Variants in CLPTM1L observed in about 807,000 individuals in gnomAD.
CLPTM1L encodes the protein CLPTM1 like.
In CLPTM1L, 38 loss-of-function variants were observed where a neutral mutation model predicts 70.9. That is an observed-to-expected ratio of 0.54 (90% CI 0.41 to 0.70). CLPTM1L has a LOEUF of 0.70. Among genes scored for constraint, CLPTM1L ranks in the 30% least tolerant of loss-of-function variants. The pLI is 0.00. For missense variants in CLPTM1L, 652 were observed against 705.9 expected, an observed-to-expected ratio of 0.92 and a Z score of 0.87; for synonymous variants, 339 against 299.9, an observed-to-expected ratio of 1.13 and a Z score of -1.35.
intron 7 of CLPTM1L, among the ~76,000 whole-genome samples, chr5:1,333,559 CGG>C (rs1753306496): frequency 9.1e-6 from 1 of 109,822 alleles, no homozygotes; most frequent in African/African-American, 3.7e-5. Flanking sequence ...GTATACACAC[CGG>C]ATGAGGATAA....
chr5:1,335,292 T>A (rs774429155), intron 5 of CLPTM1L, 118 bp from the exon 6 acceptor site: 12 of 790,558 alleles, frequency 1.5e-5, no homozygotes, highest in Non-Finnish European at 2.4e-5. Context: ...AGGTCAGCCA[T>A]GACTGGGCCC....
At chr5:1,323,450 G>A (rs1453756953) in intron 12 of CLPTM1L, among the ~76,000 whole-genome samples, 1 of 151,592 alleles carries the variant, frequency 6.6e-6, no homozygotes, top group Non-Finnish European at 1.5e-5. Context: ...CCCCACCCAG[G>A]CAGCAGAGGC....
chr5:1,343,633 T>C (rs1754087478), intron 2 of CLPTM1L, among the ~76,000 whole-genome samples: 2 of 152,192 alleles, frequency 1.3e-5, no homozygotes, highest in Non-Finnish European at 2.9e-5. Flanking sequence ...AGGAACTGGC[T>C]TGAGGTCACA....
rs181911425 is a variant in CLPTM1L at position 1,340,912 on chromosome 5, C to T, written c.453+759G>A. On this transcript the variant is annotated intron_variant, in intron 3 of 16. Coordinates refer to ENST00000320895, the MANE Select transcript of CLPTM1L (RefSeq NM_030782.5). The stretch of plus-strand genomic sequence containing the variant: ...TCCTGAGTAGCTGGGATTACAGGCG[C>T]GTGCCACCACATCCAGCTAATTTTT... 4.3e-3 allele frequency among the ~76,000 whole-genome samples: 661 copies of T among 152,166 alleles called. 4 individuals are homozygous for T. The highest frequency in any genetic ancestry group is 0.014 in the African/African-American group (600 of 41,452).
rs202185175 is a variant in CLPTM1L, at chr5:1,338,849, G to T, written c.599+11C>A. 1,279 of 1,612,956 alleles carry T rather than the reference G, an allele frequency of 7.9e-4. 11 individuals are homozygous for T. The African/African-American group carries it at 0.014, about 18-fold the overall frequency. On this transcript the variant is annotated intron_variant, in intron 4 of 16. Coordinates refer to ENST00000320895, the MANE Select transcript of CLPTM1L (RefSeq NM_030782.5). ...CTCCCCCCGGCGCTCCAGCTCTGGG[G>T]CCCCACTTACATCTTCATGTACCGA...
At chr5:1,325,537 C>T (rs1416753550) in intron 10 of CLPTM1L, 6 of 573,570 alleles carry the variant, frequency 1.0e-5, no homozygotes, top group Middle Eastern at 4.6e-4. Flanking sequence ...CTGCCGTCTG[C>T]ACTGAAGACG....
At position 1,321,621 on chromosome 5, in the gene CLPTM1L, G is replaced by A. The variant is rs1752157231; in HGVS notation, c.1416+14C>T. 1 of 1,612,376 alleles carries A rather than the reference G, an allele frequency of 6.2e-7. No homozygotes were observed. Among genetic ancestry groups the A allele is most frequent in the Non-Finnish European group, 8.5e-7 (1 of 1,178,674 alleles). On this transcript the variant is annotated intron_variant, in intron 15 of 16. Transcript: ENST00000320895. ...CTCAGTGAGAAGGGATTCCTCACCG[G>A]CTGTCACACTCACCTTGTAGGTGAA...
chr5:1,318,113 G>T lies in CLPTM1L; in HGVS notation c.*256C>A. ...ACATGGCCGAACCCCGGACACTCGT[G>T]TGCCGGGAGCCACCACAGCTCAAGG... On this transcript the variant is annotated 3_prime_UTR_variant, in exon 17 of 17. Transcript: ENST00000320895. This position sits in a 1 kb window ranked among gnomAD's most constrained non-coding sequence, Gnocchi z 8.9. 2.0e-6 allele frequency: 1 copy of T among 509,238 alleles called. No homozygotes were observed. Among genetic ancestry groups the T allele is most frequent in the Non-Finnish European group, 3.5e-6 (1 of 289,482 alleles). 31.5% of individuals were successfully genotyped at this position (509,238 alleles called of 1,614,324 possible).
At chr5:1,321,179 A>G (rs1476304050) in intron 15 of CLPTM1L, among the ~76,000 whole-genome samples, 1 of 152,248 alleles carries the variant, frequency 6.6e-6, no homozygotes, top group Admixed American at 6.5e-5. Context: ...ATCATGTCCC[A>G]TTAACTCAGC....
Position 1,335,042 on chromosome 5 carries a change from G to A in CLPTM1L, c.796+15C>T, listed in dbSNP as rs199623057. The A allele has an allele frequency of 4.8e-3, 7,734 of 1,604,606 alleles. 22 individuals carry two copies. The highest frequency in any genetic ancestry group is 6.2e-3 in the Non-Finnish European group (7,236 of 1,172,694). ...GGGCGGCCTCACCCAGGCGCCGGCCGTGTGCGGCACATACCGAACTGCTGC... is the reference window on the plus strand; with the variant it reads ...GGGCGGCCTCACCCAGGCGCCGGCCATGTGCGGCACATACCGAACTGCTGC... On this transcript the variant is annotated intron_variant, in intron 6 of 16. Transcript: ENST00000320895.
chr5:1,340,859 G>A (rs1314609559), intron 3 of CLPTM1L, among the ~76,000 whole-genome samples: 2 of 152,162 alleles, frequency 1.3e-5, no homozygotes, highest in Non-Finnish European at 2.9e-5. Flanking sequence ...CTCACCTCAC[G>A]GGTTCAAACG....
At chr5:1,327,926 C>G (rs1418699213) in intron 9 of CLPTM1L, among the ~76,000 whole-genome samples, 8 of 59,490 alleles carry the variant, frequency 1.3e-4, no homozygotes, top group Admixed American at 1.3e-3. Flanking sequence ...CAGACACATT[C>G]CATCCAGCTC....
In CLPTM1L at chr5:1,342,039, T is replaced by TGTGTGCGCGCGC. The variant is rs3222913; in HGVS notation, c.264-180_264-179insGCGCGCGCACAC. On this transcript the variant is annotated intron_variant, in intron 2 of 16. Transcript: ENST00000320895. The surrounding 1 kb of genome is among the most constrained non-coding windows in gnomAD (Gnocchi z 4.3). ...GTGTGTGTGTGTGTGTGTGTGTGTG[T>TGTGTGCGCGCGC]GCACGCGCACGCGTGCGCGTCCTGA... 7.2e-3 allele frequency among the ~76,000 whole-genome samples: 1,068 copies of TGTGTGCGCGCGC among 149,064 alleles called. 11 individuals carry two copies. Among genetic ancestry groups the TGTGTGCGCGCGC allele is most frequent in the Non-Finnish European group, 0.011 (721 of 67,324 alleles).
chr5:1,330,230 C>T (rs756223984), intron 9 of CLPTM1L, 50 bp downstream of exon 9: 13 of 1,471,172 alleles, frequency 8.8e-6, no homozygotes, highest in African/African-American at 1.4e-5. Context: ...TTCCTGAGTG[C>T]GTGGAGGCAC....
intron 2 of CLPTM1L, 81 bp from the exon 3 acceptor site, chr5:1,341,941 G>T: frequency 8.6e-7 from 1 of 1,168,780 alleles, no homozygotes; most frequent in Non-Finnish European, 1.2e-6. Context: ...TTATAAAGCT[G>T]CTTCAATAAA....
chr5:1,336,211 C>A (rs1376103101), intron 5 of CLPTM1L, among the ~76,000 whole-genome samples: 1 of 152,234 alleles, frequency 6.6e-6, no homozygotes, highest in African/African-American at 2.4e-5. Context: ...CAGTGCTGGG[C>A]CCAGCCACAG....
chr5:1,338,734 G>A lies in CLPTM1L; in HGVS notation c.599+126C>T, dbSNP rs956091700. The A allele has an allele frequency of 5.6e-6, 6 of 1,065,310 alleles. No homozygotes were observed. The African/African-American group carries it at 6.3e-5, about 11-fold the overall frequency. The allele number at this position is 1,065,310 out of a possible 1,614,324, so 66.0% of individuals were successfully genotyped here. ...TGAGGAAGTGGGAAAGAGCTGGGAG[G>A]CCCGGGCAGCAAGTGCCTCCCCACA... On this transcript the variant is annotated intron_variant, in intron 4 of 16. Coordinates refer to ENST00000320895, the MANE Select transcript of CLPTM1L (RefSeq NM_030782.5).
In CLPTM1L at chr5:1,344,856, C is replaced by G; in HGVS notation, c.-15G>C. The G allele has an allele frequency of 3.5e-6, 5 of 1,440,532 alleles. No individual in the cohort carries two copies. Among genetic ancestry groups the G allele is most frequent in the Non-Finnish European group, 4.6e-6 (5 of 1,092,526 alleles). 89.2% of individuals were successfully genotyped at this position (1,440,532 alleles called of 1,614,324 possible). On this transcript the variant is annotated 5_prime_UTR_variant, in exon 1 of 17. Coordinates refer to ENST00000320895, the MANE Select transcript of CLPTM1L (RefSeq NM_030782.5). ...CCGCTCCACATGGCGGCCCCGCGCC[C>G]GGCGCCCCCGGCCCGCCCGCCTCTC... is the stretch of plus-strand genomic sequence containing the variant.
chr5:1,332,560 C>A (rs553817669), intron 7 of CLPTM1L, among the ~76,000 whole-genome samples: 5 of 152,382 alleles, frequency 3.3e-5, no homozygotes, highest in Middle Eastern at 3.4e-3. Context: ...GCCAGCCTAA[C>A]AGCCACAAGG....
Sources: gnomAD v4.1 joint callset for allele counts (sites outside exome capture counted in the v4.1 genomes callset) on GRCh38, gnomAD v4.1.1 for gene constraint, Gnocchi (gnomAD v3.1) non-coding constraint, MANE v1.5 for transcripts, NCBI Gene and HGNC (gene_info 2026-07-23, HGNC 2026-07-21) for gene names.